The following CDC14A variants were observed in gnomAD, a reference collection of about 807,000 sequenced individuals.
CDC14A encodes the protein dual specificity protein phosphatase CDC14A.
Under a neutral mutation model 74.4 loss-of-function variants are expected in CDC14A, and 53 were observed. The ratio of observed to expected loss-of-function variants is 0.71; its 90% CI spans 0.57 to 0.89. CDC14A has a LOEUF of 0.89. CDC14A is among the 40% of genes least tolerant of loss of function. The probability of loss-of-function intolerance (pLI) is 0.00; values close to 1 mark genes in which losing one functional copy is unlikely to be tolerated. For missense variants in CDC14A, 646 were observed against 713.7 expected, an observed-to-expected ratio of 0.91 and a Z score of 1.08; for synonymous variants, 247 against 258.4, an observed-to-expected ratio of 0.96 and a Z score of 0.43.
At chr1:100,389,774 T>C (rs1285064704) in intron 3 of CDC14A, among the ~76,000 whole-genome samples, 2 of 152,166 alleles carry the variant, frequency 1.3e-5, no homozygotes, top group African/African-American at 2.4e-5. Context: ...TTATAGTCAA[T>C]GTGAATTTAT....
chr1:100,379,359 G>A (rs2100954006), intron 3 of CDC14A, among the ~76,000 whole-genome samples: 1 of 152,290 alleles, frequency 6.6e-6, no homozygotes, highest in South Asian at 2.1e-4. Flanking sequence ...CATTTTAGTG[G>A]TAAGGTAATC....
intron 10 of CDC14A, among the ~76,000 whole-genome samples, chr1:100,469,302 G>C (rs1207900723): frequency 6.6e-6 from 1 of 152,122 alleles, no homozygotes; most frequent in African/African-American, 2.4e-5. Flanking sequence ...TGATTAAGAA[G>C]TGCTGAAAAA....
intron 1 of CDC14A, 35 bp downstream of exon 1, chr1:100,353,038 T>A: frequency 6.2e-7 from 1 of 1,610,468 alleles, no homozygotes. Flanking sequence ...TCCAACGCTT[T>A]CTTGCCCCCA....
At chr1:100,399,840 C>A (rs1229574634) in intron 4 of CDC14A, among the ~76,000 whole-genome samples, 2 of 150,618 alleles carry the variant, frequency 1.3e-5, no homozygotes, top group African/African-American at 4.9e-5. Context: ...TGCACTCCAG[C>A]CCAGACCCTG....
chr1:100,491,092 A>G (rs1339752944), intron 11 of CDC14A, among the ~76,000 whole-genome samples: 7 of 152,176 alleles, frequency 4.6e-5, no homozygotes, highest in Non-Finnish European at 8.8e-5. Flanking sequence ...GTTTATAGTG[A>G]TGAAAGACAG....
chr1:100,489,375 T>C (rs747952083), intron 11 of CDC14A, among the ~76,000 whole-genome samples: 1 of 152,248 alleles, frequency 6.6e-6, no homozygotes, highest in Non-Finnish European at 1.5e-5. Flanking sequence ...TAGTGTGCTA[T>C]ATTCTATCTC....
intron 15 of CDC14A, among the ~76,000 whole-genome samples, chr1:100,510,444 T>C (rs913318870): frequency 6.6e-6 from 1 of 152,196 alleles, no homozygotes; most frequent in African/African-American, 2.4e-5. Context: ...AACCTTCTTA[T>C]TGCTTAGCAC....
intron 4 of CDC14A, among the ~76,000 whole-genome samples, chr1:100,402,731 T>C (rs541647642): frequency 6.6e-6 from 1 of 152,272 alleles, no homozygotes; most frequent in African/African-American, 2.4e-5. Context: ...GATCCCTAAG[T>C]TTCTAGCTGG....
At chr1:100,359,227 CATTAACTCA>C (rs1652348260) in intron 2 of CDC14A, among the ~76,000 whole-genome samples, 1 of 152,242 alleles carries the variant, frequency 6.6e-6, no homozygotes. Flanking sequence ...TACACGCACA[CATTAACTCA>C]ATTAATCCTC....
At chr1:100,384,581 G>T (rs1571019756) in intron 3 of CDC14A, among the ~76,000 whole-genome samples, 2 of 152,172 alleles carry the variant, frequency 1.3e-5, no homozygotes, top group South Asian at 4.1e-4. Context: ...TCAGCAAAGT[G>T]TTTGACACAC....
At chr1:100,369,630 T>C (rs1028460069) in intron 2 of CDC14A, among the ~76,000 whole-genome samples, 2 of 152,158 alleles carry the variant, frequency 1.3e-5, no homozygotes, top group Non-Finnish European at 2.9e-5. Context: ...TATTAGACCT[T>C]TGTCAGATAC....
rs919977530 is a variant in CDC14A, at chr1:100,518,357, G to A, written c.*77G>A. 16 of 1,125,872 alleles carry A rather than the reference G, an allele frequency of 1.4e-5. No homozygotes were observed. The highest frequency in any genetic ancestry group is 4.6e-5 in the African/African-American group (3 of 65,074). 69.7% of individuals were successfully genotyped at this position (1,125,872 alleles called of 1,614,324 possible). On this transcript the variant is annotated 3_prime_UTR_variant, in exon 16 of 16. Coordinates refer to ENST00000336454, the MANE Select transcript of CDC14A (RefSeq NM_003672.4). ...TCTGGACGAGCAGTGGAGAGGGAAA[G>A]CAACTTCTTGCTGGAAGAATATCTC...
chr1:100,446,716 G>T (rs1665576379), intron 7 of CDC14A, among the ~76,000 whole-genome samples: 2 of 151,786 alleles, frequency 1.3e-5, no homozygotes, highest in African/African-American at 4.8e-5. Context: ...GTGTTTTTTT[G>T]AGAGAGGGTC....
upstream of CDC14A, chr1:100,351,860 C>CT: frequency 6.9e-7 from 1 of 1,450,520 alleles, no homozygotes. Flanking sequence ...GCTGGTGCTT[C>CT]TTTTTCAATT....
At chr1:100,426,973 A>AT (rs1236280310) in intron 5 of CDC14A, among the ~76,000 whole-genome samples, 2 of 152,108 alleles carry the variant, frequency 1.3e-5, no homozygotes, top group African/African-American at 4.8e-5. Context: ...TGGAAACTTA[A>AT]TTTTTTTATT....
At chr1:100,373,961 C>G (rs575677636) in intron 2 of CDC14A, among the ~76,000 whole-genome samples, 1 of 152,142 alleles carries the variant, frequency 6.6e-6, no homozygotes, top group South Asian at 2.1e-4. Context: ...TACCTCCCCC[C>G]ACCCCACAAC....
intron 11 of CDC14A, among the ~76,000 whole-genome samples, chr1:100,491,572 A>ATATATATATATATTTT (rs1418515078): frequency 4.0e-5 from 1 of 25,106 alleles, no homozygotes; most frequent in Non-Finnish European, 7.1e-5. Flanking sequence ...ATATATATAT[A>ATATATATATATATTTT]TTTTTTTTTT....
At chr1:100,396,657 A>C (rs1457567986) in intron 4 of CDC14A, among the ~76,000 whole-genome samples, 1 of 152,190 alleles carries the variant, frequency 6.6e-6, no homozygotes, top group Non-Finnish European at 1.5e-5. Context: ...TAAAAAATAA[A>C]CTTGTATTTT....
intron 5 of CDC14A, among the ~76,000 whole-genome samples, chr1:100,425,609 A>C (rs1356795965): frequency 6.6e-6 from 1 of 152,172 alleles, no homozygotes; most frequent in East Asian, 1.9e-4. Flanking sequence ...AGTGAAGTCA[A>C]GGAGTAAGGC....
Sources: gnomAD v4.1 joint callset for allele counts (sites outside exome capture counted in the v4.1 genomes callset) on GRCh38, gnomAD v4.1.1 for gene constraint, MANE v1.5 for transcripts, NCBI Gene and HGNC (gene_info 2026-07-23, HGNC 2026-07-21) for gene names.